The following FILIP1L variants were observed in gnomAD, a reference collection of about 807,000 sequenced individuals.
FILIP1L encodes filamin A-interacting protein 1-like.
Under a neutral mutation model 96.6 loss-of-function variants are expected in FILIP1L, and 55 were observed. The ratio of observed to expected loss-of-function variants is 0.57; its 90% CI spans 0.46 to 0.71. FILIP1L has a LOEUF of 0.71. FILIP1L is among the 30% of genes least tolerant of loss of function. FILIP1L has a pLI of 0.00. For synonymous variants in FILIP1L, 467 were observed against 473.9 expected, an observed-to-expected ratio of 0.99 and a Z score of 0.19; for missense variants, 1,304 against 1,321.2, an observed-to-expected ratio of 0.99 and a Z score of 0.20.
intron 1 of FILIP1L, among the ~76,000 whole-genome samples, chr3:100,014,398 AT>A (rs1313227576): frequency 1.3e-5 from 2 of 151,822 alleles, no homozygotes; most frequent in African/African-American, 4.8e-5. Flanking sequence ...TCTATTTTTT[AT>A]TTTTTTAGAA....
intron 1 of FILIP1L, among the ~76,000 whole-genome samples, chr3:99,940,816 G>C (rs1208852281): frequency 6.6e-6 from 1 of 152,176 alleles, no homozygotes; most frequent in East Asian, 1.9e-4. Flanking sequence ...AGGACCTTGA[G>C]GTAAACAGGT....
intron 1 of FILIP1L, among the ~76,000 whole-genome samples, chr3:100,075,164 A>G (rs907221295): frequency 1.3e-5 from 2 of 152,200 alleles, no homozygotes; most frequent in Non-Finnish European, 2.9e-5. Flanking sequence ...TTAGATAGAG[A>G]TCGTCAAAAC....
At chr3:99,861,440 A>G (rs184531938) in intron 4 of FILIP1L, among the ~76,000 whole-genome samples, 1 of 152,310 alleles carries the variant, frequency 6.6e-6, no homozygotes, top group African/African-American at 2.4e-5. Context: ...TGGCATACAG[A>G]GCTGCCTTTA....
intron 1 of FILIP1L, among the ~76,000 whole-genome samples, chr3:100,092,632 T>C (rs2066130273): frequency 6.7e-6 from 1 of 148,556 alleles, no homozygotes; most frequent in Non-Finnish European, 1.5e-5. Flanking sequence ...CATGTTAAGC[T>C]CCTAGAATAA....
intron 1 of FILIP1L, among the ~76,000 whole-genome samples, chr3:99,965,119 G>A (rs1445419395): frequency 6.6e-6 from 1 of 152,158 alleles, no homozygotes; most frequent in Non-Finnish European, 1.5e-5. Flanking sequence ...ATTGGTCCAG[G>A]AAAATGTTTT....
At chr3:100,093,233 A>G (rs1258584638) in intron 1 of FILIP1L, among the ~76,000 whole-genome samples, 1 of 152,110 alleles carries the variant, frequency 6.6e-6, no homozygotes, top group African/African-American at 2.4e-5. Context: ...AGCTTATGTC[A>G]TTAGATATTA....
intron 1 of FILIP1L, among the ~76,000 whole-genome samples, chr3:100,033,552 T>C (rs2065055459): frequency 6.6e-6 from 1 of 152,218 alleles, no homozygotes. Context: ...TTAACTTGCC[T>C]GCACCAAATC....
intron 1 of FILIP1L, among the ~76,000 whole-genome samples, chr3:100,020,322 T>C (rs942521938): frequency 1.3e-5 from 2 of 152,202 alleles, no homozygotes; most frequent in Admixed American, 6.5e-5. Flanking sequence ...GGTGCCATGG[T>C]TTCTTAGTAG....
intron 1 of FILIP1L, among the ~76,000 whole-genome samples, chr3:99,936,337 A>G (rs931694699): frequency 1.4e-5 from 1 of 71,142 alleles, no homozygotes; most frequent in Non-Finnish European, 2.9e-5. Flanking sequence ...TAACTCATTT[A>G]TTTTGCAGAG....
At chr3:100,013,545 G>A (rs574236916) in intron 1 of FILIP1L, among the ~76,000 whole-genome samples, 25 of 152,200 alleles carry the variant, frequency 1.6e-4, no homozygotes, top group African/African-American at 6.0e-4. Flanking sequence ...CACTCGGCTG[G>A]CCAGTGAGTT....
intron 4 of FILIP1L, among the ~76,000 whole-genome samples, chr3:99,883,506 A>G (rs897795294): frequency 6.6e-6 from 1 of 152,168 alleles, no homozygotes; most frequent in Admixed American, 6.5e-5. Context: ...TTTATAGGCT[A>G]TGTGAATGTG....
intron 1 of FILIP1L, among the ~76,000 whole-genome samples, chr3:99,969,814 G>A (rs1708762475): frequency 1.3e-5 from 2 of 152,146 alleles, no homozygotes; most frequent in Non-Finnish European, 1.5e-5. Flanking sequence ...TTGTCTAGAT[G>A]GATACTGAAG....
intron 4 of FILIP1L, among the ~76,000 whole-genome samples, chr3:99,897,577 C>T (rs748349584): frequency 5.9e-5 from 9 of 151,932 alleles, no homozygotes; most frequent in Non-Finnish European, 1.2e-4. Context: ...ATATTATTGC[C>T]AAGACAATGG....
At chr3:99,902,140 A>G (rs1473956112) in intron 4 of FILIP1L, among the ~76,000 whole-genome samples, 1 of 152,188 alleles carries the variant, frequency 6.6e-6, no homozygotes, top group African/African-American at 2.4e-5. Flanking sequence ...TCATGATGTT[A>G]TATTAGACAT....
chr3:99,894,241 T>G (rs1450027944), intron 4 of FILIP1L, among the ~76,000 whole-genome samples: 2 of 152,208 alleles, frequency 1.3e-5, no homozygotes, highest in Non-Finnish European at 1.5e-5. Flanking sequence ...TAAAATACTC[T>G]TTCAGTGCTA....
At chr3:100,030,514 A>C (rs1411523349) in intron 1 of FILIP1L, among the ~76,000 whole-genome samples, 1 of 152,012 alleles carries the variant, frequency 6.6e-6, no homozygotes, top group East Asian at 1.9e-4. Context: ...TGTCTCATCT[A>C]CTCTAGTCTT....
chr3:99,848,270 G>C, intron 5 of FILIP1L, 25 bp downstream of exon 5: 2 of 1,612,122 alleles, frequency 1.2e-6, no homozygotes, highest in East Asian at 2.2e-5. Flanking sequence ...GAGGGTGAGC[G>C]TGGTCAGTTA....
At chr3:100,003,376 C>T (rs1017652740) in intron 1 of FILIP1L, among the ~76,000 whole-genome samples, 3 of 152,184 alleles carry the variant, frequency 2.0e-5, no homozygotes, top group Non-Finnish European at 2.9e-5. Flanking sequence ...TCTTCCCTTA[C>T]GTGGTTGTTT....
intron 1 of FILIP1L, among the ~76,000 whole-genome samples, chr3:99,952,042 C>T (rs1228926905): frequency 6.6e-6 from 1 of 152,148 alleles, no homozygotes; most frequent in African/African-American, 2.4e-5. Context: ...TTCCAGTGGA[C>T]CATATGTAAC....
Sources: allele counts gnomAD v4.1 joint callset (sites outside exome capture counted in the v4.1 genomes callset), GRCh38; gene constraint gnomAD v4.1.1; transcripts MANE v1.5; gene names NCBI Gene and HGNC (gene_info 2026-07-23, HGNC 2026-07-21).